The following TRAF5 variants were observed in gnomAD, a reference collection of about 807,000 sequenced individuals.
The protein encoded by TRAF5 is TNF receptor associated factor 5.
A neutral mutation model predicts 64.5 loss-of-function variants in TRAF5; 48 were observed. The ratio of observed to expected loss-of-function variants is 0.74; its 90% CI spans 0.59 to 0.95. The LOEUF (loss-of-function observed/expected upper bound fraction) is 0.95. TRAF5 is among the 40% of genes least tolerant of loss of function. The pLI, the probability that TRAF5 is intolerant of heterozygous loss-of-function variation, is 0.00. For missense variants in TRAF5, 545 were observed against 662.8 expected (o/e 0.82, Z 1.95); for synonymous variants, 206 against 240.5 (o/e 0.86, Z 1.33).
At chr1:211,352,305 C>T (rs1318921369) in intron 1 of TRAF5, among the ~76,000 whole-genome samples, 1 of 151,906 alleles carries the variant, frequency 6.6e-6, no homozygotes, top group East Asian at 1.9e-4. Flanking sequence ...GCCATCAGAT[C>T]TCATGAGACT....
chr1:211,338,873 C>T (rs1702374825), intron 1 of TRAF5, among the ~76,000 whole-genome samples: 1 of 152,176 alleles, frequency 6.6e-6, no homozygotes, highest in African/African-American at 2.4e-5. Flanking sequence ...AATCCGCCTG[C>T]CTTGGCCTCC....
chr1:211,354,723 C>T (rs935331952), intron 3 of TRAF5, among the ~76,000 whole-genome samples: 2 of 152,112 alleles, frequency 1.3e-5, no homozygotes, highest in African/African-American at 4.8e-5. Flanking sequence ...TACACTGGCT[C>T]CAGCTAATAT....
Position 211,358,909 on chromosome 1 carries a change from CAG to C in TRAF5, c.379-1001_379-1000del, listed in dbSNP as rs551685474. On this transcript the variant is annotated intron_variant, in intron 4 of 10. Transcript: ENST00000261464. ...AATGTTTATTTTTAATAATAAATAA[CAG>C]AATATTTAAAATAACTTTTAAAATA... is the stretch of plus-strand genomic sequence containing the variant. 67 of 148,400 alleles carry C rather than the reference CAG, an allele frequency of 4.5e-4. 1 individual carries two copies. Among genetic ancestry groups the C allele is most frequent in the Middle Eastern group, 7.1e-3 (2 of 280 alleles). 9.2% of individuals were successfully genotyped at this position (148,400 alleles called of 1,614,324 possible).
chr1:211,355,231 T>C (rs1252217059), intron 3 of TRAF5, among the ~76,000 whole-genome samples: 1 of 152,170 alleles, frequency 6.6e-6, no homozygotes, highest in Admixed American at 6.5e-5. Context: ...GACATTTGGC[T>C]GCTAAGATTT....
At chr1:211,348,184 T>C (rs1378634635) in intron 1 of TRAF5, among the ~76,000 whole-genome samples, 3 of 152,208 alleles carry the variant, frequency 2.0e-5, no homozygotes, top group Non-Finnish European at 4.4e-5. Flanking sequence ...GACATGAGAA[T>C]CCAGCTATCT....
chr1:211,342,735 C>G (rs1286225242), intron 1 of TRAF5, among the ~76,000 whole-genome samples: 1 of 152,184 alleles, frequency 6.6e-6, no homozygotes, highest in East Asian at 1.9e-4. Flanking sequence ...TTAGCTCCCA[C>G]AAACAAGAAC....
At chr1:211,357,587 T>TTCCCCCC (rs1703007339) in intron 4 of TRAF5, 1 of 151,516 alleles carries the variant, frequency 6.6e-6, no homozygotes, top group Non-Finnish European at 1.5e-5. Flanking sequence ...ATTCCTTGTT[T>TTCCCCCC]CCCACCCACC....
chr1:211,329,063 A>T (rs899114765), intron 1 of TRAF5, among the ~76,000 whole-genome samples: 1 of 152,136 alleles, frequency 6.6e-6, no homozygotes, highest in Non-Finnish European at 1.5e-5. Context: ...CCAGATTCTG[A>T]TAATGCCTCT....
chr1:211,338,012 C>T (rs1490140706), intron 1 of TRAF5, among the ~76,000 whole-genome samples: 2 of 152,128 alleles, frequency 1.3e-5, no homozygotes, highest in Non-Finnish European at 2.9e-5. Context: ...GGGACGTGCT[C>T]ACCCAGAGAA....
At position 211,359,983 on chromosome 1, in the gene TRAF5, G is replaced by A; in HGVS notation, c.450G>A (p.Arg150=). The change falls in exon 5 of 11, where the codon CGG becomes CGA. Residue 150 remains arginine, a synonymous_variant. Coordinates refer to ENST00000261464, the MANE Select transcript of TRAF5 (RefSeq NM_001033910.3). ...SNEKCREPVL[R]KDLKEHLSAS... ...AGAAGTGCCGGGAGCCAGTCCTACG[G>A]AAAGACCTGAAAGAGCATTTGAGTG... 4.3e-6 allele frequency: 7 copies of A among 1,614,084 alleles called. No homozygotes were observed. Among genetic ancestry groups the A allele is most frequent in the Non-Finnish European group, 5.9e-6 (7 of 1,179,968 alleles).
chr1:211,371,982 T>C (rs573015739), intron 10 of TRAF5, 146 bp from the exon 11 acceptor site: 3 of 707,944 alleles, frequency 4.2e-6, no homozygotes, highest in African/African-American at 3.6e-5. Context: ...TGAGTTAATA[T>C]TACTACAACA....
chr1:211,354,431 C>G lies in TRAF5; in HGVS notation c.240C>G (p.Ile80Met). 1 of 1,614,158 alleles carries G rather than the reference C, an allele frequency of 6.2e-7. No homozygotes were observed. Among genetic ancestry groups the G allele is most frequent in the South Asian group, 1.1e-5 (1 of 91,084 alleles). Residue 80 changes from isoleucine to methionine, a missense_variant, in exon 3 of 11, where the codon ATC becomes ATG. Transcript: ENST00000261464. Reference sequence around the variant, plus strand: ...CCAGAGAATTAAACACAGTGCCAATCTGCCCTGTAGATAAAGAGGTCATCA... The same window carrying G: ...CCAGAGAATTAAACACAGTGCCAATGTGCCCTGTAGATAAAGAGGTCATCA... ...LSLRELNTVP[I>M]CPVDKEVIKS...
chr1:211,345,367 C>T (rs958361122), intron 1 of TRAF5, among the ~76,000 whole-genome samples: 2 of 152,044 alleles, frequency 1.3e-5, no homozygotes, highest in Admixed American at 6.5e-5. Flanking sequence ...GCGCTCCCCC[C>T]CCCTCCTTTT....
chr1:211,337,121 A>T (rs1231367223), intron 1 of TRAF5, among the ~76,000 whole-genome samples: 1 of 152,252 alleles, frequency 6.6e-6, no homozygotes, highest in Non-Finnish European at 1.5e-5. Flanking sequence ...ATAGGGGAAG[A>T]CAGAGAGCAA....
chr1:211,353,967 C>T (rs1702878167), intron 2 of TRAF5, among the ~76,000 whole-genome samples: 1 of 152,176 alleles, frequency 6.6e-6, no homozygotes, highest in Non-Finnish European at 1.5e-5. Flanking sequence ...GTCATTTTAC[C>T]CTGCCAAGCT....
At chr1:211,365,347 CCTGA>C (rs749908730) in intron 7 of TRAF5, 25 bp from the exon 8 acceptor site, 142 of 1,595,542 alleles carry the variant, frequency 8.9e-5, no homozygotes, top group Middle Eastern at 1.7e-4. Flanking sequence ...CTCTCAGCAA[CCTGA>C]CTTATTTTTC....
intron 4 of TRAF5, 55 bp from the exon 5 acceptor site, chr1:211,359,857 T>A: frequency 6.2e-7 from 1 of 1,608,528 alleles, no homozygotes; most frequent in Non-Finnish European, 8.5e-7. Context: ...CCAGCTGACT[T>A]CTTTCCTACC....
rs781643795 is a variant in TRAF5 at position 211,353,492 on chromosome 1, A to T, written c.218+35A>T. On this transcript the variant is annotated intron_variant, in intron 2 of 10. Transcript: ENST00000261464. The stretch of plus-strand genomic sequence containing the variant: ...CAGGGCCTGCAACTCTGGCCATGGC[A>T]GTCCTAGCATCCAGGTGGCAACTGT... The T allele has an allele frequency of 6.9e-6, 11 of 1,586,022 alleles. No individual in the cohort carries two copies. In the Admixed American group the frequency reaches 1.9e-4, roughly 28 times the overall value.
rs1183246694 is a variant in TRAF5, at chr1:211,374,702, C to T, written c.*2000C>T. 2 of 152,190 alleles carry T rather than the reference C, an allele frequency of 1.3e-5. No homozygotes were observed. Among genetic ancestry groups the T allele is most frequent in the East Asian group, 1.9e-4 (1 of 5,202 alleles). The allele number at this position is 152,190 out of a possible 1,614,324, so 9.4% of individuals were successfully genotyped here. ...AATATTCATCATATCCAAGTTCACT[C>T]TGTCTTCCTGAGCAGTGGAAGATCA... On this transcript the variant is annotated 3_prime_UTR_variant, in exon 11 of 11. Transcript: ENST00000261464.
Sources: gnomAD v4.1 joint callset for allele counts (sites outside exome capture counted in the v4.1 genomes callset) on GRCh38, gnomAD v4.1.1 for gene constraint, MANE v1.5 for transcripts, NCBI Gene and HGNC (gene_info 2026-07-23, HGNC 2026-07-21) for gene names.